GNAL: variants seen among roughly 807,000 people sequenced by gnomAD.
The protein encoded by GNAL is guanine nucleotide-binding protein G(olf) subunit alpha.
Under a neutral mutation model 55.1 loss-of-function variants are expected in GNAL, and 18 were observed. The ratio of observed to expected loss-of-function variants is 0.33; its 90% CI spans 0.23 to 0.48. The LOEUF is 0.48. Among genes scored for constraint, GNAL ranks in the 20% least tolerant of loss-of-function variants. GNAL has a pLI of 0.99. For synonymous variants in GNAL, 253 were observed against 237.0 expected, an observed-to-expected ratio of 1.07 and a Z score of -0.62; for missense variants, 412 against 614.1, an observed-to-expected ratio of 0.67 and a Z score of 3.48.
intron 4 of GNAL, among the ~76,000 whole-genome samples, chr18:11,809,620 C>G (rs1330918440): frequency 6.6e-6 from 1 of 152,150 alleles, no homozygotes; most frequent in African/African-American, 2.4e-5. Context: ...GTAATCCCAG[C>G]TACTTGAGAG....
chr18:11,739,668 C>T (rs1221265435), intron 1 of GNAL, among the ~76,000 whole-genome samples: 5 of 151,276 alleles, frequency 3.3e-5, no homozygotes, highest in African/African-American at 4.9e-5. Context: ...TAGGTTTGCC[C>T]GATGTTTCCT....
chr18:11,832,817 G>A (rs372991591), intron 5 of GNAL, among the ~76,000 whole-genome samples: 11 of 151,714 alleles, frequency 7.3e-5, no homozygotes, highest in Admixed American at 4.6e-4. Context: ...CCGAGACCAC[G>A]CCATTGCACT....
At chr18:11,784,075 A>G (rs894575149) in intron 4 of GNAL, among the ~76,000 whole-genome samples, 3 of 152,174 alleles carry the variant, frequency 2.0e-5, no homozygotes, top group African/African-American at 7.2e-5. Flanking sequence ...CACGTGGCCC[A>G]GCAAGCCCAT....
At chr18:11,728,644 C>G (rs944745185) in intron 1 of GNAL, among the ~76,000 whole-genome samples, 8 of 152,124 alleles carry the variant, frequency 5.3e-5, no homozygotes, top group African/African-American at 1.2e-4. Flanking sequence ...TTAATAGTTT[C>G]TACAATTATT....
intron 1 of GNAL, among the ~76,000 whole-genome samples, chr18:11,736,507 G>A (rs139062189): frequency 2.2e-4 from 33 of 152,280 alleles, no homozygotes; most frequent in African/African-American, 7.9e-4. Context: ...CATTTGTACA[G>A]CAGTTGTTCT....
At chr18:11,768,530 G>C (rs1421900855) in intron 4 of GNAL, among the ~76,000 whole-genome samples, 1 of 151,966 alleles carries the variant, frequency 6.6e-6, no homozygotes, top group African/African-American at 2.4e-5. Context: ...GAACCCAGGA[G>C]GCAGAGGTTG....
intron 5 of GNAL, among the ~76,000 whole-genome samples, chr18:11,835,594 G>A (rs554552541): frequency 8.5e-5 from 13 of 152,128 alleles, no homozygotes; most frequent in African/African-American, 2.9e-4. Context: ...AAAATGTAGG[G>A]GGAATAAAGA....
rs1193744596 is a variant in GNAL, at chr18:11,848,767, CTTTA to C, written c.723-13626_723-13623del. Among the ~76,000 whole-genome samples, 4 of 152,054 alleles carry C rather than the reference CTTTA, an allele frequency of 2.6e-5. No homozygotes were observed. The East Asian group carries it at 7.7e-4, about 29-fold the overall frequency. ...CCACCATGCCCAGTCAACAACCACA[CTTTA>C]TAAAGTTCATATTAACTTTGCAGTC... On this transcript the variant is annotated intron_variant, in intron 5 of 11. Coordinates refer to ENST00000334049, the MANE Select transcript of GNAL (RefSeq NM_182978.4).
rs183791139 is a variant in GNAL at position 11,847,664 on chromosome 18, A to T, written c.723-14731A>T. ...TTTTTTTCACTAAGAAAATTTGGCTATGGGACTTGCAAGGTTTCAATGTTA... is the reference window on the plus strand; with the variant it reads ...TTTTTTTCACTAAGAAAATTTGGCTTTGGGACTTGCAAGGTTTCAATGTTA... On this transcript the variant is annotated intron_variant, in intron 5 of 11. Coordinates refer to ENST00000334049, the MANE Select transcript of GNAL (RefSeq NM_182978.4). Among the ~76,000 whole-genome samples the T allele has an allele frequency of 6.3e-4, 96 of 152,240 alleles. 1 individual carries two copies. Among genetic ancestry groups the T allele is most frequent in the Non-Finnish European group, 1.0e-3 (68 of 68,020 alleles).
At chr18:11,723,271 G>A (rs919362119) in intron 1 of GNAL, among the ~76,000 whole-genome samples, 4 of 152,226 alleles carry the variant, frequency 2.6e-5, no homozygotes, top group African/African-American at 9.6e-5. Context: ...GTGTGGCTGT[G>A]TTCCAATAAA....
chr18:11,693,195 G>A (rs57892223), intron 1 of GNAL, among the ~76,000 whole-genome samples: 53,805 of 151,998 alleles, frequency 0.35, 13,144 homozygotes, highest in African/African-American at 0.7. Context: ...TATAATAAAA[G>A]TTATTAGACT....
chr18:11,876,951 A>C (rs2036545941), intron 11 of GNAL, among the ~76,000 whole-genome samples: 1 of 152,140 alleles, frequency 6.6e-6, no homozygotes, highest in Non-Finnish European at 1.5e-5. Context: ...GATGGGCTAG[A>C]CTTCATTCAC....
intron 2 of GNAL, 107 bp from the exon 3 acceptor site, chr18:11,753,521 A>G: frequency 1.4e-6 from 1 of 728,896 alleles, no homozygotes; most frequent in Non-Finnish European, 2.4e-6. Context: ...ACCTCTAGTG[A>G]AACCAGTCTA....
intron 4 of GNAL, among the ~76,000 whole-genome samples, chr18:11,804,853 G>A (rs1238245229): frequency 7.0e-6 from 1 of 143,714 alleles, no homozygotes; most frequent in Non-Finnish European, 1.5e-5. Context: ...GTGTAGTGGT[G>A]AAGTACAGGT....
intron 1 of GNAL, among the ~76,000 whole-genome samples, chr18:11,700,417 G>A (rs1215163997): frequency 2.0e-5 from 3 of 152,246 alleles, no homozygotes; most frequent in Non-Finnish European, 4.4e-5. Context: ...CGTTTGGCTT[G>A]GCTTGGCCAG....
At chr18:11,818,877 A>G (rs1267272263) in intron 4 of GNAL, among the ~76,000 whole-genome samples, 3 of 152,256 alleles carry the variant, frequency 2.0e-5, no homozygotes, top group East Asian at 1.9e-4. Context: ...AGTATTTTTC[A>G]TAAGTCACCC....
At chr18:11,717,219 G>A (rs1211618929) in intron 1 of GNAL, among the ~76,000 whole-genome samples, 3 of 152,230 alleles carry the variant, frequency 2.0e-5, no homozygotes, top group African/African-American at 4.8e-5. Context: ...CGGGGTCCGC[G>A]GAGCCCACGC....
chr18:11,755,367 G>A lies in GNAL; in HGVS notation c.624+1422G>A, dbSNP rs1012261690. ...CGGCTCACTGAAAGCTCCGCCTCCC[G>A]GGTTCACGCCATTCTCCTGCCTCAG... On this transcript the variant is annotated intron_variant, in intron 4 of 11. Transcript: ENST00000334049. Among the ~76,000 whole-genome samples, 7 of 152,176 alleles carry A rather than the reference G, an allele frequency of 4.6e-5. No individual in the cohort carries two copies. The South Asian group carries it at 6.2e-4, about 14-fold the overall frequency.
At chr18:11,835,025 C>T (rs2143703495) in intron 5 of GNAL, among the ~76,000 whole-genome samples, 1 of 152,234 alleles carries the variant, frequency 6.6e-6, no homozygotes, top group African/African-American at 2.4e-5. Context: ...ACCAGAACCT[C>T]CTTCCAAACA....
Sources: allele counts gnomAD v4.1 joint callset (sites outside exome capture counted in the v4.1 genomes callset), GRCh38; gene constraint gnomAD v4.1.1; transcripts MANE v1.5; gene names NCBI Gene and HGNC (gene_info 2026-07-23, HGNC 2026-07-21).